Variants in CDK14 observed in about 807,000 individuals in gnomAD.
CDK14 encodes cyclin-dependent kinase 14.
In CDK14, 34 loss-of-function variants were observed where a neutral mutation model predicts 60.7. That is an observed-to-expected ratio of 0.56 (90% CI 0.43 to 0.75). CDK14 has a LOEUF of 0.75. CDK14 is among the 30% of genes least tolerant of loss of function. CDK14 has a pLI of 0.00. For missense variants in CDK14, 482 were observed against 564.1 expected, an observed-to-expected ratio of 0.85 and a Z score of 1.47; for synonymous variants, 197 against 203.7, an observed-to-expected ratio of 0.97 and a Z score of 0.28.
At chr7:90,989,009 T>C (rs1795458801) in intron 10 of CDK14, among the ~76,000 whole-genome samples, 1 of 151,534 alleles carries the variant, frequency 6.6e-6, no homozygotes, top group African/African-American at 2.4e-5. Context: ...TGAGTGTGTG[T>C]GTGTGTGTGT....
chr7:90,692,925 C>G (rs891076321), intron 2 of CDK14, among the ~76,000 whole-genome samples: 2 of 150,966 alleles, frequency 1.3e-5, no homozygotes, highest in Admixed American at 1.3e-4. Flanking sequence ...CAGGCCATTT[C>G]TTCCATCAAG....
intron 5 of CDK14, among the ~76,000 whole-genome samples, chr7:90,838,612 CCCAGGGG>C (rs1790190597): frequency 6.6e-6 from 1 of 152,138 alleles, no homozygotes; most frequent in Non-Finnish European, 1.5e-5. Context: ...GGAATGCATT[CCCAGGGG>C]TAGGTCTATA....
At chr7:91,105,570 C>T (rs1799267150) in intron 12 of CDK14, among the ~76,000 whole-genome samples, 1 of 152,126 alleles carries the variant, frequency 6.6e-6, no homozygotes, top group South Asian at 2.1e-4. Flanking sequence ...TTGACAGAAG[C>T]AAAAGAAAAT....
chr7:90,604,161 C>T (rs1454304249), intron 1 of CDK14, 57 bp from the exon 2 acceptor site: 15 of 1,163,510 alleles, frequency 1.3e-5, no homozygotes, highest in Non-Finnish European at 1.7e-5. Context: ...TTTTCTATAA[C>T]TTAGTCTCTT....
chr7:90,940,562 G>A (rs1487136451), intron 8 of CDK14, among the ~76,000 whole-genome samples: 1 of 152,122 alleles, frequency 6.6e-6, no homozygotes, highest in African/African-American at 2.4e-5. Flanking sequence ...GAGGCAGGTG[G>A]ATCACTTGAG....
chr7:90,869,195 A>G (rs1219438356), intron 6 of CDK14, among the ~76,000 whole-genome samples: 1 of 152,168 alleles, frequency 6.6e-6, no homozygotes, highest in Non-Finnish European at 1.5e-5. Context: ...GCAATTGAAC[A>G]TTTTTCTGCT....
At chr7:91,203,791 G>A (rs1802797985) in intron 14 of CDK14, among the ~76,000 whole-genome samples, 1 of 152,174 alleles carries the variant, frequency 6.6e-6, no homozygotes, top group Admixed American at 6.5e-5. Flanking sequence ...TTGAGGATTG[G>A]CTGAGGATGC....
At chr7:90,981,150 A>C (rs931942815) in intron 9 of CDK14, among the ~76,000 whole-genome samples, 2 of 152,248 alleles carry the variant, frequency 1.3e-5, no homozygotes, top group African/African-American at 4.8e-5. Flanking sequence ...ATAAACTAAA[A>C]TAAGAAGAAA....
intron 4 of CDK14, among the ~76,000 whole-genome samples, chr7:90,756,168 A>G (rs1160361389): frequency 6.6e-6 from 1 of 152,232 alleles, no homozygotes; most frequent in Non-Finnish European, 1.5e-5. Context: ...TCCTCTCTGA[A>G]TATTCCAAAT....
intron 6 of CDK14, among the ~76,000 whole-genome samples, chr7:90,865,113 T>C (rs1230401595): frequency 6.6e-6 from 1 of 152,202 alleles, no homozygotes; most frequent in African/African-American, 2.4e-5. Flanking sequence ...TCTTTTTCTA[T>C]CTTTTCCTGT....
chr7:90,747,957 A>G (rs986187952), intron 4 of CDK14, among the ~76,000 whole-genome samples, 182 bp downstream of exon 4: 3 of 120,680 alleles, frequency 2.5e-5, no homozygotes, highest in African/African-American at 9.9e-5. Context: ...GTACCCTGCT[A>G]GTAAACAGTT....
chr7:90,636,240 T>C (rs1800145457), intron 2 of CDK14, among the ~76,000 whole-genome samples: 1 of 152,194 alleles, frequency 6.6e-6, no homozygotes, highest in African/African-American at 2.4e-5. Flanking sequence ...GTTCCAGTTT[T>C]TGCCCATTCA....
chr7:91,113,407 A>G (rs1032847626), intron 13 of CDK14, among the ~76,000 whole-genome samples: 1 of 152,208 alleles, frequency 6.6e-6, no homozygotes, highest in Non-Finnish European at 1.5e-5. Context: ...CAGCCTTTTA[A>G]AATTACATTT....
intron 2 of CDK14, among the ~76,000 whole-genome samples, chr7:90,609,976 A>G (rs940375905): frequency 3.3e-5 from 5 of 152,208 alleles, no homozygotes; most frequent in Admixed American, 3.3e-4. Flanking sequence ...TTCTGCAGGA[A>G]CTGCATCTTA....
At chr7:90,758,236 G>GTC (rs887069825) in intron 4 of CDK14, among the ~76,000 whole-genome samples, 1 of 151,940 alleles carries the variant, frequency 6.6e-6, no homozygotes, top group African/African-American at 2.4e-5. Context: ...TTTCTTCTCT[G>GTC]TCTCTCTCTC....
chr7:90,857,927 A>AT (rs1313711149), intron 5 of CDK14, among the ~76,000 whole-genome samples: 1 of 151,948 alleles, frequency 6.6e-6, no homozygotes, highest in East Asian at 1.9e-4. Flanking sequence ...CATTAATGCC[A>AT]TTTTTCTGCC....
intron 11 of CDK14, among the ~76,000 whole-genome samples, chr7:91,062,892 A>AGG (rs1428657070): frequency 1.3e-5 from 2 of 152,202 alleles, no homozygotes; most frequent in Non-Finnish European, 2.9e-5. Flanking sequence ...GGTTGGGTTC[A>AGG]GGTATGTTCC....
intron 9 of CDK14, among the ~76,000 whole-genome samples, chr7:90,970,146 A>T (rs1028533825): frequency 6.6e-6 from 1 of 151,876 alleles, no homozygotes; most frequent in Admixed American, 6.6e-5. Flanking sequence ...TTGTATTTTT[A>T]GTAGAGACAG....
intron 5 of CDK14, among the ~76,000 whole-genome samples, chr7:90,813,160 TTTTG>T (rs1288943925): frequency 2.0e-5 from 3 of 152,144 alleles, no homozygotes; most frequent in Admixed American, 1.3e-4. Context: ...ACCAAGCGTA[TTTTG>T]TTTGTTTGTT....
Sources: gnomAD v4.1 joint callset for allele counts (sites outside exome capture counted in the v4.1 genomes callset) on GRCh38, gnomAD v4.1.1 for gene constraint, MANE v1.5 for transcripts, NCBI Gene and HGNC (gene_info 2026-07-23, HGNC 2026-07-21) for gene names.